The following DHRSX variants were observed in gnomAD, a reference collection of about 807,000 sequenced individuals.
DHRSX encodes dehydrogenase/reductase X-linked.
Under a neutral mutation model 34.0 loss-of-function variants are expected in DHRSX, and 31 were observed. The ratio of observed to expected loss-of-function variants is 0.91; its 90% CI spans 0.69 to 1.23. The LOEUF is 1.23. DHRSX is among the 50% of genes most tolerant of loss of function. The probability of loss-of-function intolerance (pLI) is 0.00; values close to 1 mark genes in which losing one functional copy is unlikely to be tolerated. For missense variants in DHRSX, 414 were observed against 428.1 expected, an observed-to-expected ratio of 0.97 and a Z score of 0.29; for synonymous variants, 201 against 183.8, an observed-to-expected ratio of 1.09 and a Z score of -0.76.
chrX:2,357,939 T>G (rs2042877654), intron 3 of DHRSX, among the ~76,000 whole-genome samples: 1 of 152,116 alleles, frequency 6.6e-6, no homozygotes, highest in Non-Finnish European at 1.5e-5. Flanking sequence ...GGGTAACTCT[T>G]GAGAAAAACA....
At chrX:2,227,642 A>AGAAGGAAAGGAGGAAG (rs987637489) in intron 6 of DHRSX, among the ~76,000 whole-genome samples, 2 of 116,006 alleles carry the variant, frequency 1.7e-5, no homozygotes, top group African/African-American at 6.7e-5. Context: ...CAGGAAGCAA[A>AGAAGGAAAGGAGGAAG]GAAGGAAAGG....
chrX:2,330,477 C>T (rs1473976562), intron 3 of DHRSX, among the ~76,000 whole-genome samples: 18 of 146,540 alleles, frequency 1.2e-4, no homozygotes, highest in Admixed American at 2.8e-4. Flanking sequence ...GCTGAGATCG[C>T]GCCACGGCAC....
chrX:2,486,665 C>T (rs1454381018), intron 1 of DHRSX: 1 of 152,264 alleles, frequency 6.6e-6, no homozygotes, highest in African/African-American at 2.4e-5. Flanking sequence ...TCCCCGGCCT[C>T]GGGGCAGAAC....
intron 1 of DHRSX, among the ~76,000 whole-genome samples, chrX:2,455,907 C>T (rs2044290607): frequency 6.6e-6 from 1 of 151,942 alleles, no homozygotes; most frequent in African/African-American, 2.4e-5. Flanking sequence ...CGTTGAGTGT[C>T]AAAAGGATTC....
At chrX:2,379,528 G>C (rs2043179628) in intron 3 of DHRSX, among the ~76,000 whole-genome samples, 1 of 149,952 alleles carries the variant, frequency 6.7e-6, no homozygotes, top group Middle Eastern at 3.5e-3. Context: ...CCCCGTAAAA[G>C]ACGTGTCCAC....
intron 5 of DHRSX, among the ~76,000 whole-genome samples, chrX:2,265,788 G>A (rs2041452386): frequency 7.0e-6 from 1 of 142,848 alleles, no homozygotes; most frequent in Non-Finnish European, 1.5e-5. Flanking sequence ...ACTGTCCCCA[G>A]AGCACCGGTG....
At chrX:2,356,053 C>T (rs1049170829) in intron 3 of DHRSX, among the ~76,000 whole-genome samples, 4 of 134,580 alleles carry the variant, frequency 3.0e-5, no homozygotes, top group African/African-American at 5.6e-5. Flanking sequence ...GCAACAAGTG[C>T]GAGACTCCGT....
chrX:2,411,875 G>C (rs905293345), intron 2 of DHRSX, among the ~76,000 whole-genome samples: 2 of 152,210 alleles, frequency 1.3e-5, no homozygotes, highest in Non-Finnish European at 2.9e-5. Flanking sequence ...CAGGTGAAGT[G>C]ATTATTTGGG....
intron 4 of DHRSX, among the ~76,000 whole-genome samples, chrX:2,282,343 A>T (rs111066054): frequency 1.9e-5 from 1 of 52,046 alleles, no homozygotes; most frequent in Non-Finnish European, 5.3e-5. Flanking sequence ...GCAAACGAGA[A>T]AGGAAGAGAG....
intron 1 of DHRSX, among the ~76,000 whole-genome samples, chrX:2,433,445 G>C (rs901060407): frequency 1.3e-5 from 2 of 150,632 alleles, no homozygotes; most frequent in Non-Finnish European, 3.0e-5. Flanking sequence ...GCGCAGGTTT[G>C]TTACATAGGT....
intron 1 of DHRSX, among the ~76,000 whole-genome samples, chrX:2,479,888 T>C (rs985059622): frequency 1.3e-5 from 2 of 152,164 alleles, no homozygotes; most frequent in Non-Finnish European, 2.9e-5. Flanking sequence ...CTGAAGATGT[T>C]CCCTAAGCAT....
intron 3 of DHRSX, among the ~76,000 whole-genome samples, chrX:2,370,039 C>A (rs1354432352): frequency 6.6e-6 from 1 of 152,136 alleles, no homozygotes; most frequent in Non-Finnish European, 1.5e-5. Context: ...GCTTCCCAAC[C>A]TGCTCCTCAC....
chrX:2,282,606 GA>G (rs1569483449), intron 4 of DHRSX, among the ~76,000 whole-genome samples: 12 of 141,020 alleles, frequency 8.5e-5, no homozygotes, highest in African/African-American at 3.2e-4. Context: ...AGGGGAGAGA[GA>G]AGAAAGAGGG....
chrX:2,398,702 C>T (rs2124629066), intron 3 of DHRSX, among the ~76,000 whole-genome samples: 1 of 144,296 alleles, frequency 6.9e-6, no homozygotes, highest in East Asian at 2.0e-4. Context: ...TGGACTCTCG[C>T]TGTGTCACCT....
chrX:2,458,019 G>A (rs747612965), intron 1 of DHRSX, among the ~76,000 whole-genome samples: 4 of 152,108 alleles, frequency 2.6e-5, no homozygotes, highest in South Asian at 2.1e-4. Flanking sequence ...CTAAGAATGC[G>A]GCCAAGGGAC....
intron 1 of DHRSX, among the ~76,000 whole-genome samples, chrX:2,426,753 C>A (rs1197064176): frequency 1.3e-5 from 2 of 148,536 alleles, no homozygotes; most frequent in African/African-American, 5.0e-5. Flanking sequence ...TTCCTTCCTT[C>A]CCTTCCCTTC....
chrX:2,415,673 T>C (rs1374044713), intron 2 of DHRSX, among the ~76,000 whole-genome samples: 3 of 146,966 alleles, frequency 2.0e-5, no homozygotes, highest in Non-Finnish European at 4.5e-5. Context: ...CTCATCATAA[T>C]CTAACCCAAC....
chrX:2,323,415 G>A (rs2042337117), intron 3 of DHRSX, among the ~76,000 whole-genome samples: 1 of 152,082 alleles, frequency 6.6e-6, no homozygotes, highest in African/African-American at 2.4e-5. Flanking sequence ...ACAGGAGTGA[G>A]ATGCCTCAAG....
intron 4 of DHRSX, among the ~76,000 whole-genome samples, chrX:2,272,204 C>T (rs2041566819): frequency 6.6e-6 from 1 of 152,120 alleles, no homozygotes; most frequent in Non-Finnish European, 1.5e-5. Context: ...GGAAGCTTTG[C>T]ATTTTGATGA....
Sources: allele counts gnomAD v4.1 joint callset (sites outside exome capture counted in the v4.1 genomes callset), GRCh38; gene constraint gnomAD v4.1.1; transcripts MANE v1.5; gene names NCBI Gene and HGNC (gene_info 2026-07-23, HGNC 2026-07-21).